The following OR4D2 variants were observed in gnomAD, a reference collection of about 807,000 sequenced individuals.
OR4D2 encodes olfactory receptor family 4 subfamily D member 2.
OR4D2 carries 9 observed loss-of-function variants against 12.4 expected under a neutral mutation model. That is an observed-to-expected ratio of 0.73 (90% CI 0.44 to 1.27). The LOEUF is 1.27. OR4D2 is among the 50% of genes most tolerant of loss of function. The pLI, the probability that OR4D2 is intolerant of heterozygous loss-of-function variation, is 0.00. For synonymous variants in OR4D2, 151 were observed against 151.1 expected, an observed-to-expected ratio of 1.00 and a Z score of 0.01; for missense variants, 373 against 381.6, an observed-to-expected ratio of 0.98 and a Z score of 0.19.
chr17:58,169,910 C>T lies in OR4D2; in HGVS notation c.255C>T (p.Leu85=), dbSNP rs1423307442. 6.2e-7 allele frequency: 1 copy of T among 1,614,028 alleles called. No homozygotes were observed. Among genetic ancestry groups the T allele is most frequent in the African/African-American group, 1.3e-5 (1 of 74,926 alleles). Residue 85 remains leucine (L), a synonymous_variant, in exon 2 of 2, where the codon CTC becomes CTT. Coordinates refer to ENST00000545221, the MANE Select transcript of OR4D2 (RefSeq NM_001004707.4). The part of the protein sequence containing the change: ...SVTAPKMLVD[L]LSEKKTISYQ... ...CTGCTCCCAAAATGCTAGTGGACCT[C>T]CTCTCTGAGAAGAAAACCATCTCTT... is the stretch of plus-strand genomic sequence containing the variant.
chr17:58,167,553 G>C lies in OR4D2; in HGVS notation c.-19+500G>C, dbSNP rs147897507. On this transcript the variant is annotated intron_variant, in intron 1 of 1. Transcript: ENST00000545221. Reference sequence around the variant, plus strand: ...TTGTATGAAATGCTGAGAGAGAGTTGCATGCACGTATGTAGGTATGTTTTT... The same window carrying C: ...TTGTATGAAATGCTGAGAGAGAGTTCCATGCACGTATGTAGGTATGTTTTT... Among the ~76,000 whole-genome samples the C allele has an allele frequency of 2.8e-3, 421 of 152,268 alleles. 2 individuals are homozygous for C. The highest frequency in any genetic ancestry group is 9.7e-3 in the African/African-American group (404 of 41,558).
Position 58,170,844 on chromosome 17 carries a change from T to G in OR4D2, c.*265T>G. 1 of 473,962 alleles carries G rather than the reference T, an allele frequency of 2.1e-6. No individual in the cohort carries two copies. The highest frequency in any genetic ancestry group is 3.8e-6 in the Non-Finnish European group (1 of 260,668). 29.4% of individuals were successfully genotyped at this position (473,962 alleles called of 1,614,324 possible). ...AACCACACCTTCCTTTTCACCTTCTTGGTGGACAGTTTCCTGTTGACAGCA... is the reference window on the plus strand; with the variant it reads ...AACCACACCTTCCTTTTCACCTTCTGGGTGGACAGTTTCCTGTTGACAGCA... On this transcript the variant is annotated 3_prime_UTR_variant, in exon 2 of 2. Transcript: ENST00000545221.
intron 1 of OR4D2, among the ~76,000 whole-genome samples, chr17:58,168,079 A>G (rs1411333934): frequency 1.3e-5 from 2 of 150,242 alleles, no homozygotes; most frequent in Admixed American, 6.6e-5. Context: ...AGAATGACCT[A>G]TAATATTGTA....
At chr17:58,168,242 T>C (rs995822787) in intron 1 of OR4D2, among the ~76,000 whole-genome samples, 7 of 151,824 alleles carry the variant, frequency 4.6e-5, no homozygotes, top group Non-Finnish European at 1.0e-4. Flanking sequence ...AGTCTCGCTC[T>C]GTCACCCAGG....
rs1597956984 is a variant in OR4D2 at position 58,170,293 on chromosome 17, T to A, written c.638T>A (p.Leu213His). The change falls in exon 2 of 2, where the codon CTC becomes CAC. Residue 213 changes from leucine (L) to histidine (H), a missense_variant. Coordinates refer to ENST00000545221, the MANE Select transcript of OR4D2 (RefSeq NM_001004707.4). Reference protein sequence around the residue: ...SGLLDVVWFFLLLMSYLFILV... With the variant: ...SGLLDVVWFFHLLMSYLFILV... The stretch of plus-strand genomic sequence containing the variant: ...CTGCTGGATGTCGTCTGGTTCTTCC[T>A]CCTCCTGATGTCCTACTTATTCATC... The A allele has an allele frequency of 4.3e-6, 7 of 1,614,210 alleles. No individual in the cohort carries two copies. The East Asian group carries it at 1.6e-4, about 36-fold the overall frequency.
rs765244897 is a variant in OR4D2 at position 58,169,844 on chromosome 17, C to G, written c.189C>G (p.Leu63=). ...TCCACACACCCATGTACTTTCTGCT[C>G]CGAAACCTGGCTGTCCTAGACCTCT... ...SQLHTPMYFL[L]RNLAVLDLCF... is the part of the protein sequence containing the mutation. Residue 63 remains leucine, a synonymous_variant, in exon 2 of 2, where the codon CTC becomes CTG. Transcript: ENST00000545221. The G allele has an allele frequency of 6.2e-7, 1 of 1,614,182 alleles. No individual in the cohort carries two copies. Among genetic ancestry groups the G allele is most frequent in the Non-Finnish European group, 8.5e-7 (1 of 1,180,012 alleles).
At chr17:58,167,980 C>T (rs1967909452) in intron 1 of OR4D2, among the ~76,000 whole-genome samples, 1 of 108,132 alleles carries the variant, frequency 9.2e-6, no homozygotes. Context: ...CCAGCCTGGG[C>T]GACAGCGAGA....
intron 1 of OR4D2, among the ~76,000 whole-genome samples, chr17:58,167,805 G>C (rs994639695): frequency 6.6e-6 from 1 of 151,692 alleles, no homozygotes; most frequent in Non-Finnish European, 1.5e-5. Flanking sequence ...ACGAGGTCAG[G>C]AGATCGAGAC....
At chr17:58,167,547 A>T (rs1484460475) in intron 1 of OR4D2, among the ~76,000 whole-genome samples, 1 of 152,200 alleles carries the variant, frequency 6.6e-6, no homozygotes, top group African/African-American at 2.4e-5. Flanking sequence ...ATGCTGAGAG[A>T]GAGTTGCATG....
rs115462323 is a variant in OR4D2, at chr17:58,170,568, C to A, written c.913C>A (p.Arg305=). The change falls in exon 2 of 2, where the codon CGG becomes AGG. Residue 305 remains arginine (R), a synonymous_variant. Coordinates refer to ENST00000545221, the MANE Select transcript of OR4D2 (RefSeq NM_001004707.4). ...AGCAGTGAGAAGATTAGGGAGACAC[C>A]GGCTGGTTTGAGAGTGACAATGGTA... ...QAAVRRLGRH[R]LV The A allele has an allele frequency of 6.2e-6, 10 of 1,613,660 alleles. No individual in the cohort carries two copies. Among genetic ancestry groups the A allele is most frequent in the African/African-American group, 1.3e-5 (1 of 75,002 alleles).
At chr17:58,169,095 G>T (rs1251745373) in intron 1 of OR4D2, among the ~76,000 whole-genome samples, 1 of 152,244 alleles carries the variant, frequency 6.6e-6, no homozygotes, top group African/African-American at 2.4e-5. Flanking sequence ...TAAATGTCAT[G>T]TGAAAAATAA....
Sources: gnomAD v4.1 joint callset for allele counts (sites outside exome capture counted in the v4.1 genomes callset) on GRCh38, gnomAD v4.1.1 for gene constraint, MANE v1.5 for transcripts, NCBI Gene and HGNC (gene_info 2026-07-23, HGNC 2026-07-21) for gene names.